KGD4: variants seen among roughly 807,000 people sequenced by gnomAD.
The protein encoded by KGD4 is alpha-ketoglutarate dehydrogenase subunit 4.
the KGD4 span, among the ~76,000 whole-genome samples, chr5:69,221,048 A>G: frequency 4.7e-4 from 71 of 152,288 alleles, 1 homozygote; most frequent in South Asian, 1.0e-3. Flanking sequence ...AACACTGCGG[A>G]AGGCCGCAGG....
At chr5:69,228,575 A>G in the KGD4 span, among the ~76,000 whole-genome samples, 3 of 152,226 alleles carry the variant, frequency 2.0e-5, no homozygotes, top group African/African-American at 7.2e-5. Flanking sequence ...GTAAATATGC[A>G]TGATATATCA....
chr5:69,223,964 C>T, the KGD4 span, among the ~76,000 whole-genome samples: 39 of 146,242 alleles, frequency 2.7e-4, no homozygotes, highest in Admixed American at 6.3e-4. Context: ...ACCCTTGAGG[C>T]GGAGGTTGCA....
chr5:69,223,647 A>G, the KGD4 span, among the ~76,000 whole-genome samples: 1 of 91,628 alleles, frequency 1.1e-5, no homozygotes, highest in African/African-American at 4.1e-5. Flanking sequence ...TTAGCATTGT[A>G]TATTCAGAAG....
chr5:69,229,112 C>T, the KGD4 span: 40 of 897,694 alleles, frequency 4.5e-5, no homozygotes, highest in Non-Finnish European at 6.5e-5. Context: ...CCAAAGATTA[C>T]TTACTGAAGA....
chr5:69,221,085 C>G, the KGD4 span, among the ~76,000 whole-genome samples: 2 of 152,056 alleles, frequency 1.3e-5, no homozygotes, highest in South Asian at 4.2e-4. Flanking sequence ...AACCAGAGAC[C>G]TTTTTGTTCA....
At chr5:69,218,183 G>A in the KGD4 span, 1 of 404,820 alleles carries the variant, frequency 2.5e-6, no homozygotes. Context: ...GCGTGTGCGG[G>A]TGAGGCGACC....
At chr5:69,228,179 CT>C in the KGD4 span, 54,826 of 1,290,486 alleles carry the variant, frequency 0.042, no homozygotes, top group Middle Eastern at 0.047. Context: ...CTAATAAGGT[CT>C]TTTTTTTTTT....
chr5:69,226,068 A>G, the KGD4 span, among the ~76,000 whole-genome samples: 2,132 of 152,326 alleles, frequency 0.014, 18 homozygotes, highest in Non-Finnish European at 0.022. Context: ...CATGCAACAT[A>G]AACTCTACAT....
At chr5:69,229,083 C>G in the KGD4 span, 3 of 476,094 alleles carry the variant, frequency 6.3e-6, no homozygotes, top group Non-Finnish European at 1.1e-5. Context: ...TTGACTAATT[C>G]AAAACTATTT....
the KGD4 span, chr5:69,218,201 T>G: frequency 2.9e-6 from 1 of 343,744 alleles, no homozygotes; most frequent in Non-Finnish European, 5.3e-6. Context: ...ACCCTGGCGG[T>G]AGCCTGGCCA....
At chr5:69,227,327 C>A in the KGD4 span, among the ~76,000 whole-genome samples, 1 of 152,146 alleles carries the variant, frequency 6.6e-6, no homozygotes, top group Non-Finnish European at 1.5e-5. Context: ...AAATAATAAC[C>A]ATTCCTGTTT....
the KGD4 span, among the ~76,000 whole-genome samples, chr5:69,218,731 T>C: frequency 6.6e-6 from 1 of 152,232 alleles, no homozygotes; most frequent in East Asian, 1.9e-4. Context: ...TTGACTTTTA[T>C]CTTTGATATG....
the KGD4 span, among the ~76,000 whole-genome samples, chr5:69,222,613 T>A: frequency 3.3e-3 from 502 of 152,270 alleles, 2 homozygotes; most frequent in African/African-American, 0.012. Context: ...CTCATCTTCT[T>A]GCTCAGGCTG....
At chr5:69,228,474 T>A in the KGD4 span, 3 of 1,296,314 alleles carry the variant, frequency 2.3e-6, no homozygotes, top group Non-Finnish European at 3.2e-6. Context: ...TACATGCTAT[T>A]CCTATTGTCT....
the KGD4 span, among the ~76,000 whole-genome samples, chr5:69,222,203 T>C: frequency 6.6e-6 from 1 of 152,020 alleles, no homozygotes; most frequent in Non-Finnish European, 1.5e-5. Context: ...ATTGGCTAAC[T>C]TATCTGTCCT....
At chr5:69,218,467 TTA>T in the KGD4 span, among the ~76,000 whole-genome samples, 3 of 101,528 alleles carry the variant, frequency 3.0e-5, no homozygotes, top group African/African-American at 7.0e-5. Flanking sequence ...TGTGTGTATA[TTA>T]ATGTGTGTGT....
the KGD4 span, among the ~76,000 whole-genome samples, chr5:69,220,992 G>C: frequency 4.6e-5 from 7 of 152,126 alleles, no homozygotes; most frequent in South Asian, 6.2e-4. Context: ...CAGCATGCTC[G>C]TTAAGAGTCA....
the KGD4 span, among the ~76,000 whole-genome samples, chr5:69,221,816 C>T: frequency 1.3e-5 from 2 of 151,698 alleles, no homozygotes; most frequent in Non-Finnish European, 2.9e-5. Flanking sequence ...CAAAAAAAGG[C>T]AAGCCACATA....
chr5:69,220,735 CGAAAA>C, the KGD4 span, among the ~76,000 whole-genome samples: 2 of 151,090 alleles, frequency 1.3e-5, no homozygotes, highest in Non-Finnish European at 1.5e-5. Context: ...GCGGTTTTGT[CGAAAA>C]GAAAAGGGGG....
Sources: allele counts gnomAD v4.1 joint callset (sites outside exome capture counted in the v4.1 genomes callset), GRCh38; gene constraint gnomAD v4.1.1; transcripts MANE v1.5; gene names NCBI Gene and HGNC (gene_info 2026-07-23, HGNC 2026-07-21).